The following THSD7B variants were observed in gnomAD, a reference collection of about 807,000 sequenced individuals.
THSD7B encodes the protein thrombospondin type 1 domain containing 7B.
THSD7B carries 138 observed loss-of-function variants against 213.6 expected under a neutral mutation model. The observed-to-expected ratio is 0.65, with a 90% CI of 0.56 to 0.74. The LOEUF (loss-of-function observed/expected upper bound fraction) is 0.74. Ranked by LOEUF, THSD7B falls within the 30% of genes least tolerant of loss-of-function variation. The pLI is 0.00. For synonymous variants in THSD7B, 742 were observed against 687.0 expected (o/e 1.08, Z -1.25); for missense variants, 1,931 against 1,991.5 (o/e 0.97, Z 0.58).
chr2:137,471,040 C>T (rs370493036), intron 15 of THSD7B, among the ~76,000 whole-genome samples: 3 of 151,990 alleles, frequency 2.0e-5, no homozygotes, highest in South Asian at 4.2e-4. Context: ...CTCTCTCAGC[C>T]TCCCAAGTAG....
chr2:136,834,563 C>A (rs1682814756), intron 1 of THSD7B, among the ~76,000 whole-genome samples: 1 of 151,938 alleles, frequency 6.6e-6, no homozygotes, highest in African/African-American at 2.4e-5. Flanking sequence ...GAGTTCTCAG[C>A]ATCTCGGTGT....
intron 17 of THSD7B, among the ~76,000 whole-genome samples, chr2:137,598,682 TA>T (rs1043385683): frequency 7.2e-5 from 11 of 152,340 alleles, no homozygotes; most frequent in African/African-American, 2.6e-4. Context: ...CTGATATTGT[TA>T]ATGTGTTAGA....
intron 15 of THSD7B, among the ~76,000 whole-genome samples, chr2:137,490,657 C>T (rs954357352): frequency 5.3e-5 from 8 of 152,116 alleles, no homozygotes; most frequent in African/African-American, 1.9e-4. Flanking sequence ...TTAGGGTTCA[C>T]TCTTGGTGTT....
At chr2:137,526,159 C>T (rs1680274183) in intron 15 of THSD7B, among the ~76,000 whole-genome samples, 2 of 152,072 alleles carry the variant, frequency 1.3e-5, no homozygotes, top group Non-Finnish European at 2.9e-5. Flanking sequence ...CCACTTCTAC[C>T]TGGCCGATTT....
At chr2:137,068,163 T>G (rs538753094) in intron 3 of THSD7B, among the ~76,000 whole-genome samples, 51 of 152,182 alleles carry the variant, frequency 3.4e-4, no homozygotes, top group African/African-American at 1.1e-3. Flanking sequence ...GGGTTATTGA[T>G]TTTCAGATTG....
chr2:137,191,523 C>G (rs1291606299), intron 7 of THSD7B, among the ~76,000 whole-genome samples: 3 of 151,914 alleles, frequency 2.0e-5, no homozygotes, highest in Non-Finnish European at 4.4e-5. Context: ...CTTTTCTTAC[C>G]AGATGTCTGG....
At chr2:137,319,253 G>T in intron 12 of THSD7B, among the ~76,000 whole-genome samples, 2 of 148,120 alleles carry the variant, frequency 1.4e-5, no homozygotes, top group African/African-American at 2.5e-5. Flanking sequence ...GACATGTAAT[G>T]GGACCTAGGG....
intron 21 of THSD7B, among the ~76,000 whole-genome samples, chr2:137,646,039 T>C (rs1167591366): frequency 6.6e-6 from 1 of 152,200 alleles, no homozygotes; most frequent in Non-Finnish European, 1.5e-5. Context: ...GGTGCTTTTT[T>C]GGGACAGTTT....
At chr2:137,400,877 C>A (rs986119831) in intron 12 of THSD7B, among the ~76,000 whole-genome samples, 15 of 152,114 alleles carry the variant, frequency 9.9e-5, no homozygotes, top group African/African-American at 3.4e-4. Flanking sequence ...GTAGGTGGAG[C>A]TAGATAGTGC....
At chr2:137,303,708 A>ATATATATTTTTT (rs1553437354) in intron 12 of THSD7B, among the ~76,000 whole-genome samples, 1 of 136,446 alleles carries the variant, frequency 7.3e-6, no homozygotes, top group Non-Finnish European at 1.5e-5. Context: ...ATATATTTAT[A>ATATATATTTTTT]TATATATTTA....
At chr2:136,773,710 TACTATTA>T (rs1415868034) in intron 1 of THSD7B, among the ~76,000 whole-genome samples, 1 of 151,972 alleles carries the variant, frequency 6.6e-6, no homozygotes, top group Non-Finnish European at 1.5e-5. Context: ...CTAGAATCTG[TACTATTA>T]ACGACTCTAC....
chr2:137,205,519 T>C (rs1680967479), intron 7 of THSD7B, among the ~76,000 whole-genome samples: 1 of 152,124 alleles, frequency 6.6e-6, no homozygotes, highest in African/African-American at 2.4e-5. Context: ...TTTGTTCCTT[T>C]TTTGTTTTTG....
intron 3 of THSD7B, among the ~76,000 whole-genome samples, chr2:137,077,227 G>T (rs1303063266): frequency 2.0e-5 from 3 of 151,966 alleles, no homozygotes; most frequent in African/African-American, 4.8e-5. Context: ...GTCTATCATT[G>T]TTGGACATTT....
intron 12 of THSD7B, among the ~76,000 whole-genome samples, chr2:137,342,966 C>T (rs1044322568): frequency 2.6e-5 from 4 of 151,096 alleles, no homozygotes; most frequent in Admixed American, 2.0e-4. Flanking sequence ...CCCCTTTGTT[C>T]ATTAAGGATA....
At chr2:137,151,388 C>G (rs1042494229) in intron 5 of THSD7B, among the ~76,000 whole-genome samples, 1 of 151,868 alleles carries the variant, frequency 6.6e-6, no homozygotes, top group Non-Finnish European at 1.5e-5. Context: ...CCTAGGCCTA[C>G]GTAGGGTAAG....
chr2:136,853,046 G>GTGTGCA (rs887035504), intron 1 of THSD7B, among the ~76,000 whole-genome samples: 3 of 151,984 alleles, frequency 2.0e-5, no homozygotes, highest in Admixed American at 2.0e-4. Flanking sequence ...GCATGTGTGT[G>GTGTGCA]TGTGCATGTG....
intron 16 of THSD7B, among the ~76,000 whole-genome samples, chr2:137,570,080 A>G (rs1252999749): frequency 2.0e-5 from 3 of 151,762 alleles, no homozygotes; most frequent in Non-Finnish European, 4.4e-5. Flanking sequence ...GACTTTTGCC[A>G]CAGAAGAAAT....
At chr2:137,482,285 G>A (rs569054270) in intron 15 of THSD7B, among the ~76,000 whole-genome samples, 2 of 151,638 alleles carry the variant, frequency 1.3e-5, no homozygotes, top group Non-Finnish European at 2.9e-5. Flanking sequence ...AATGTATTTT[G>A]CATGTTCACC....
At chr2:137,123,437 G>T (rs1270755069) in intron 5 of THSD7B, among the ~76,000 whole-genome samples, 1 of 152,140 alleles carries the variant, frequency 6.6e-6, no homozygotes, top group Non-Finnish European at 1.5e-5. Context: ...TGATCACTAT[G>T]TATCTTTGTG....
Sources: gnomAD v4.1 joint callset for allele counts (sites outside exome capture counted in the v4.1 genomes callset) on GRCh38, gnomAD v4.1.1 for gene constraint, MANE v1.5 for transcripts, NCBI Gene and HGNC (gene_info 2026-07-23, HGNC 2026-07-21) for gene names.